Variants in FAM163A observed in about 807,000 individuals in gnomAD.
FAM163A encodes the protein protein FAM163A.
In FAM163A, 7 loss-of-function variants were observed where a neutral mutation model predicts 12.0. The ratio of observed to expected loss-of-function variants is 0.58; its 90% CI spans 0.33 to 1.10. The LOEUF (loss-of-function observed/expected upper bound fraction) is 1.10. Among genes scored for constraint, FAM163A ranks in the 50% least tolerant of loss-of-function variants. The probability of loss-of-function intolerance (pLI) is 0.03; values close to 1 mark genes in which losing one functional copy is unlikely to be tolerated. For missense variants in FAM163A, 202 were observed against 218.6 expected (o/e 0.92, Z 0.48); for synonymous variants, 101 against 91.0 (o/e 1.11, Z -0.62).
intron 1 of FAM163A, among the ~76,000 whole-genome samples, chr1:179,805,255 C>A (rs1369664428): frequency 6.6e-6 from 1 of 152,260 alleles, no homozygotes; most frequent in East Asian, 1.9e-4. Flanking sequence ...TGCTGGCTCA[C>A]GCCTGTAATC....
intron 1 of FAM163A, among the ~76,000 whole-genome samples, chr1:179,760,435 T>C (rs1175058389): frequency 6.7e-6 from 1 of 150,210 alleles, no homozygotes; most frequent in Admixed American, 6.6e-5. Flanking sequence ...GGGAAGCTAA[T>C]CTAACTCAGG....
At chr1:179,813,640 T>C in intron 4 of FAM163A, 139 bp from the exon 5 acceptor site, 1 of 931,372 alleles carries the variant, frequency 1.1e-6, no homozygotes, top group Non-Finnish European at 1.6e-6. Context: ...TAGAAACTTG[T>C]GGAGCAGGCC....
Position 179,813,862 on chromosome 1 carries a change from C to A in FAM163A, c.177C>A (p.Gly59=). 6.2e-7 allele frequency: 1 copy of A among 1,614,000 alleles called. No individual in the cohort carries two copies. Among genetic ancestry groups the A allele is most frequent in the East Asian group, 2.2e-5 (1 of 44,878 alleles). The part of the protein sequence containing the change: ...REHDLPTHPR[G]PTCNACSSQA... Reference sequence around the variant, plus strand: ...ACGACCTTCCCACGCATCCCAGAGGCCCCACCTGCAATGCCTGCAGCTCCC... The same window carrying A: ...ACGACCTTCCCACGCATCCCAGAGGACCCACCTGCAATGCCTGCAGCTCCC... Residue 59 remains glycine, a synonymous_variant, in exon 5 of 5, where the codon GGC becomes GGA. Transcript: ENST00000341785.
chr1:179,777,837 C>CT, intron 1 of FAM163A, among the ~76,000 whole-genome samples: 1 of 152,312 alleles, frequency 6.6e-6, no homozygotes, highest in South Asian at 2.1e-4. Flanking sequence ...CTGTATTTCT[C>CT]TTTTCACGTT....
chr1:179,808,981 C>A (rs1694333113), intron 2 of FAM163A, among the ~76,000 whole-genome samples: 1 of 152,146 alleles, frequency 6.6e-6, no homozygotes, highest in Non-Finnish European at 1.5e-5. Context: ...GTAGCACATG[C>A]CTTTGGTCCC....
intron 1 of FAM163A, among the ~76,000 whole-genome samples, chr1:179,795,198 G>T (rs1305547514): frequency 6.6e-6 from 1 of 152,180 alleles, no homozygotes. Context: ...GGGCATGATG[G>T]CTCATGCCTA....
chr1:179,784,488 A>T (rs746309639), intron 1 of FAM163A, among the ~76,000 whole-genome samples: 15 of 152,330 alleles, frequency 9.8e-5, no homozygotes, highest in Non-Finnish European at 1.8e-4. Context: ...AACTAAATTC[A>T]CAGTTAACGC....
chr1:179,739,852 A>G (rs1160132381), upstream of FAM163A, among the ~76,000 whole-genome samples: 1 of 152,250 alleles, frequency 6.6e-6, no homozygotes, highest in Non-Finnish European at 1.5e-5. Context: ...TAAAATCACA[A>G]TGACACATCA....
intron 1 of FAM163A, among the ~76,000 whole-genome samples, chr1:179,784,866 C>G (rs1690379534): frequency 6.6e-6 from 1 of 152,126 alleles, no homozygotes; most frequent in Non-Finnish European, 1.5e-5. Flanking sequence ...TAACAAGTAA[C>G]TTTAATCCTC....
intron 1 of FAM163A, among the ~76,000 whole-genome samples, chr1:179,789,550 C>A (rs1691143337): frequency 6.6e-6 from 1 of 152,190 alleles, no homozygotes; most frequent in Non-Finnish European, 1.5e-5. Context: ...TATTTTAGAA[C>A]ATCATTGAAT....
chr1:179,780,003 G>C (rs1273953921), intron 1 of FAM163A, among the ~76,000 whole-genome samples: 1 of 152,188 alleles, frequency 6.6e-6, no homozygotes. Context: ...TTTTCACAAA[G>C]ATTGCATGCT....
At chr1:179,757,808 T>TCAAAA (rs143378792) in intron 1 of FAM163A, among the ~76,000 whole-genome samples, 40,921 of 151,316 alleles carry the variant, frequency 0.27, 5,711 homozygotes, top group South Asian at 0.42. Context: ...CGAGACTGTC[T>TCAAAA]CAAAACAAAA....
the FAM163A span, among the ~76,000 whole-genome samples, chr1:179,727,885 G>A: frequency 3.3e-5 from 5 of 152,178 alleles, no homozygotes; most frequent in Non-Finnish European, 4.4e-5. Context: ...TAAGGATGGA[G>A]TAAGATGTAG....
intron 1 of FAM163A, among the ~76,000 whole-genome samples, chr1:179,768,826 G>A (rs554237115): frequency 3.3e-5 from 5 of 152,162 alleles, no homozygotes; most frequent in Admixed American, 1.3e-4. Flanking sequence ...GGATGGTCTC[G>A]ATCTCCTGAC....
At chr1:179,792,880 A>G in intron 1 of FAM163A, among the ~76,000 whole-genome samples, 1 of 96,826 alleles carries the variant, frequency 1.0e-5, no homozygotes. Flanking sequence ...AGATAATAAA[A>G]TATATATATA....
intron 1 of FAM163A, among the ~76,000 whole-genome samples, chr1:179,751,329 T>A (rs1228712036): frequency 6.6e-6 from 1 of 151,314 alleles, no homozygotes; most frequent in African/African-American, 2.4e-5. Flanking sequence ...ACCAGAGAGA[T>A]CAGAGAAAAA....
the FAM163A span, among the ~76,000 whole-genome samples, chr1:179,728,895 G>C: frequency 4.6e-5 from 7 of 152,230 alleles, 1 homozygote; most frequent in South Asian, 8.3e-4. Flanking sequence ...ATACATGTTT[G>C]TGTCAAGACC....
chr1:179,736,862 G>C, the FAM163A span, among the ~76,000 whole-genome samples: 1 of 152,066 alleles, frequency 6.6e-6, no homozygotes, highest in Non-Finnish European at 1.5e-5. Flanking sequence ...TATTGGCATT[G>C]CTGTGGAGAA....
chr1:179,730,148 C>T, the FAM163A span: 3 of 152,252 alleles, frequency 2.0e-5, no homozygotes, highest in African/African-American at 7.2e-5. Flanking sequence ...CCTTACACAT[C>T]ACACAGGGGC....
Sources: allele counts gnomAD v4.1 joint callset (sites outside exome capture counted in the v4.1 genomes callset), GRCh38; gene constraint gnomAD v4.1.1; transcripts MANE v1.5; gene names NCBI Gene and HGNC (gene_info 2026-07-23, HGNC 2026-07-21).